Variants in TP63 observed in about 807,000 individuals in gnomAD.
TP63 encodes tumor protein 63.
In TP63, 17 loss-of-function variants were observed where a neutral mutation model predicts 82.8. The ratio of observed to expected loss-of-function variants is 0.21; its 90% confidence interval spans 0.14 to 0.31. The LOEUF (loss-of-function observed/expected upper bound fraction) is 0.31, where lower values mean the gene tolerates loss of function less well. TP63 is among the 10% of genes least tolerant of loss of function. The pLI is 1.00. For synonymous variants in TP63, 330 were observed against 321.7 expected (o/e 1.03, Z -0.28); for missense variants, 648 against 895.3 (o/e 0.72, Z 3.52).
chr3:189,619,468 T>C, the TP63 span, among the ~76,000 whole-genome samples: 3 of 152,232 alleles, frequency 2.0e-5, no homozygotes, highest in Admixed American at 1.3e-4. Flanking sequence ...CAAATGTCTC[T>C]AGAGCTCTCT....
intron 3 of TP63, among the ~76,000 whole-genome samples, chr3:189,750,332 G>T (rs1388987932): frequency 2.0e-5 from 3 of 152,068 alleles, no homozygotes; most frequent in African/African-American, 7.2e-5. Flanking sequence ...TTGTTGGAAA[G>T]GGGTGATGAA....
At chr3:189,698,665 G>A (rs1361212230) in intron 1 of TP63, among the ~76,000 whole-genome samples, 1 of 152,050 alleles carries the variant, frequency 6.6e-6, no homozygotes, top group Non-Finnish European at 1.5e-5. Context: ...TATGTTCTTA[G>A]AAGAATATCT....
rs529872479 is a variant in TP63 at position 189,635,130 on chromosome 3, T to C, written c.62+3553T>C. The stretch of plus-strand genomic sequence containing the variant: ...TTCAATTTGAACCACCAGTAAAATA[T>C]TTTGTATTGTTTCTTCTTAGTCATC... On this transcript the variant is annotated intron_variant, in intron 1 of 13. Coordinates refer to ENST00000264731, the MANE Select transcript of TP63 (RefSeq NM_003722.5). Among the ~76,000 whole-genome samples, 281 of 152,220 alleles carry C rather than the reference T, an allele frequency of 1.8e-3. 1 individual carries two copies. The highest frequency in any genetic ancestry group is 3.6e-3 in the Non-Finnish European group (244 of 67,998).
Position 189,737,794 on chromosome 3 carries a change from C to A in TP63, c.117C>A (p.Thr39=). 1 of 1,613,954 alleles carries A rather than the reference C, an allele frequency of 6.2e-7. No homozygotes were observed. ...FSWKESYYRS[T]MSQSTQTNEF... is the part of the protein sequence containing the mutation. The stretch of plus-strand genomic sequence containing the variant: ...GGAAAGAAAGTTATTACCGATCCAC[C>A]ATGTCCCAGAGCACACAGACAAATG... Residue 39 remains threonine (T), a synonymous_variant, in exon 2 of 14, where the codon ACC becomes ACA. Coordinates refer to ENST00000264731, the MANE Select transcript of TP63 (RefSeq NM_003722.5).
At chr3:189,868,550 C>T (rs772301714) in intron 7 of TP63, 30 bp from the exon 8 acceptor site, 1 of 1,613,268 alleles carries the variant, frequency 6.2e-7, no homozygotes, top group Admixed American at 1.7e-5. Flanking sequence ...TTGAATTTAA[C>T]TCTTTCTTCC....
intron 3 of TP63, among the ~76,000 whole-genome samples, chr3:189,792,344 C>G (rs951941724): frequency 6.6e-6 from 1 of 152,064 alleles, no homozygotes; most frequent in African/African-American, 2.4e-5. Context: ...GGAATGGTCT[C>G]AGACTTGGAG....
intron 1 of TP63, among the ~76,000 whole-genome samples, chr3:189,688,506 C>G (rs1716626190): frequency 6.6e-6 from 1 of 152,148 alleles, no homozygotes. Flanking sequence ...CTAGAAACAG[C>G]TGTTTCATCT....
intron 5 of TP63, among the ~76,000 whole-genome samples, chr3:189,865,595 T>TA (rs796765827): frequency 3.3e-5 from 5 of 152,166 alleles, no homozygotes; most frequent in African/African-American, 1.2e-4. Context: ...GATTGATAAA[T>TA]ATAGAGAGTA....
chr3:189,635,341 G>C (rs1343289057), intron 1 of TP63, among the ~76,000 whole-genome samples: 3 of 152,118 alleles, frequency 2.0e-5, no homozygotes, highest in Admixed American at 6.6e-5. Flanking sequence ...TACAGTGGAA[G>C]ATCATTTCAT....
chr3:189,651,283 C>T (rs1292754160), intron 1 of TP63, among the ~76,000 whole-genome samples: 4 of 147,074 alleles, frequency 2.7e-5, no homozygotes, highest in Non-Finnish European at 5.9e-5. Context: ...CAGTGGCTCA[C>T]ACCTGTAATC....
At chr3:189,841,954 G>A (rs550117352) in intron 4 of TP63, among the ~76,000 whole-genome samples, 15 of 152,268 alleles carry the variant, frequency 9.9e-5, no homozygotes, top group South Asian at 2.1e-4. Flanking sequence ...TAGGGCTATC[G>A]TTTTTGTAGA....
intron 4 of TP63, among the ~76,000 whole-genome samples, chr3:189,811,836 G>A (rs1451036121): frequency 6.6e-6 from 1 of 152,138 alleles, no homozygotes; most frequent in Non-Finnish European, 1.5e-5. Context: ...TTCTCCTCTG[G>A]TTTGAGACCA....
At chr3:189,670,485 C>G (rs1361762444) in intron 1 of TP63, among the ~76,000 whole-genome samples, 4 of 151,688 alleles carry the variant, frequency 2.6e-5, no homozygotes, top group Non-Finnish European at 5.9e-5. Context: ...AATTATAAAT[C>G]AATACAAAAA....
the TP63 span, among the ~76,000 whole-genome samples, chr3:189,597,550 A>G: frequency 1.8e-4 from 27 of 152,372 alleles, no homozygotes; most frequent in Admixed American, 1.6e-3. Context: ...GAATCAAATG[A>G]TCAAAACCTT....
intron 1 of TP63, among the ~76,000 whole-genome samples, chr3:189,659,001 A>G (rs1453302821): frequency 6.6e-6 from 1 of 152,174 alleles, no homozygotes; most frequent in Non-Finnish European, 1.5e-5. Flanking sequence ...CTATCTTTCA[A>G]TTGTTCTGAA....
rs761960474 is a variant in TP63 at position 189,738,698 on chromosome 3, A to T, written c.248A>T (p.Asp83Val). 5.0e-6 allele frequency: 8 copies of T among 1,614,044 alleles called. No homozygotes were observed. The African/African-American group carries it at 8.0e-5, about 16-fold the overall frequency. The change falls in exon 3 of 14, where the codon GAT becomes GTT. Residue 83 changes from aspartate to valine, a missense_variant. Coordinates refer to ENST00000264731, the MANE Select transcript of TP63 (RefSeq NM_003722.5). ...DLNFVDEPSE[D>V]GATNKIEISM... Reference sequence around the variant, plus strand: ...AACTTTGTGGATGAACCATCAGAAGATGGTGCGACAAACAAGATTGAGATT... The same window carrying T: ...AACTTTGTGGATGAACCATCAGAAGTTGGTGCGACAAACAAGATTGAGATT...
intron 13 of TP63, among the ~76,000 whole-genome samples, chr3:189,891,587 T>A (rs560630543): frequency 5.3e-5 from 8 of 152,354 alleles, no homozygotes; most frequent in African/African-American, 1.9e-4. Flanking sequence ...ACTTTGCCTC[T>A]CTGGGCCTCA....
At chr3:189,849,757 A>G (rs117081026) in intron 4 of TP63, among the ~76,000 whole-genome samples, 1 of 152,170 alleles carries the variant, frequency 6.6e-6, no homozygotes, top group Admixed American at 6.5e-5. Context: ...AAGGACTGGC[A>G]TGAAGCGCGT....
chr3:189,625,455 A>G, the TP63 span, among the ~76,000 whole-genome samples: 1 of 151,098 alleles, frequency 6.6e-6, no homozygotes, highest in East Asian at 1.9e-4. Flanking sequence ...AAAGATACTA[A>G]AAAAAAAAGG....
Sources: allele counts gnomAD v4.1 joint callset (sites outside exome capture counted in the v4.1 genomes callset), GRCh38; gene constraint gnomAD v4.1.1; transcripts MANE v1.5; gene names NCBI Gene and HGNC (gene_info 2026-07-23, HGNC 2026-07-21).